The following NBEA variants were observed in gnomAD, a reference collection of about 807,000 sequenced individuals.
NBEA encodes the protein neurobeachin, also known as lysosomal-trafficking regulator 2.
NBEA carries 44 observed loss-of-function variants against 343.4 expected under a neutral mutation model. The observed-to-expected ratio is 0.13, with a 90% CI of 0.10 to 0.16. The LOEUF (loss-of-function observed/expected upper bound fraction) is 0.16, where lower values mean the gene tolerates loss of function less well. Ranked by LOEUF, NBEA falls within the 10% of genes least tolerant of loss-of-function variation. The pLI is 1.00. For synonymous variants in NBEA, 1,175 were observed against 1,238.7 expected, an observed-to-expected ratio of 0.95 and a Z score of 1.08; for missense variants, 2,555 against 3,631.3, an observed-to-expected ratio of 0.70 and a Z score of 7.62.
chr13:35,660,496 T>A (rs1365208339), intron 55 of NBEA, among the ~76,000 whole-genome samples: 1 of 152,212 alleles, frequency 6.6e-6, no homozygotes, highest in Non-Finnish European at 1.5e-5. Flanking sequence ...TTTTAGCTCG[T>A]GTACGGGCAT....
intron 41 of NBEA, among the ~76,000 whole-genome samples, chr13:35,544,241 A>G (rs555788016): frequency 3.3e-5 from 5 of 152,306 alleles, no homozygotes; most frequent in African/African-American, 9.6e-5. Context: ...ATTTTCAACA[A>G]TTCGTAACAG....
intron 34 of NBEA, among the ~76,000 whole-genome samples, chr13:35,248,204 T>A (rs983920930): frequency 6.6e-6 from 1 of 152,172 alleles, no homozygotes; most frequent in Non-Finnish European, 1.5e-5. Context: ...TGCAAAAATC[T>A]TCAACAAAAT....
intron 46 of NBEA, among the ~76,000 whole-genome samples, chr13:35,587,415 T>G (rs1011989947): frequency 6.6e-6 from 1 of 152,074 alleles, no homozygotes. Context: ...CTGGGAGGCC[T>G]TTTCATACCA....
At chr13:35,073,674 C>T (rs2063979656) in intron 10 of NBEA, among the ~76,000 whole-genome samples, 1 of 152,016 alleles carries the variant, frequency 6.6e-6, no homozygotes, top group African/African-American at 2.4e-5. Flanking sequence ...GGGGTGGTGG[C>T]TAACGTCTGT....
chr13:34,948,442 G>T (rs2059254033), intron 1 of NBEA, among the ~76,000 whole-genome samples: 1 of 152,170 alleles, frequency 6.6e-6, no homozygotes, highest in African/African-American at 2.4e-5. Flanking sequence ...CAGGTGTAAA[G>T]CAAACAACCT....
At position 35,159,264 on chromosome 13, in the gene NBEA, A is replaced by G. The variant is rs376327034; in HGVS notation, c.3093A>G (p.Thr1031=). 1 of 1,613,570 alleles carries G rather than the reference A, an allele frequency of 6.2e-7. No homozygotes were observed. Among genetic ancestry groups the G allele is most frequent in the African/African-American group, 1.3e-5 (1 of 75,030 alleles). The change falls in exon 22 of 59, where the codon ACA becomes ACG. Residue 1031 remains threonine, a synonymous_variant. Transcript: ENST00000379939. Reference sequence around the variant, plus strand: ...ATACTCGAGACTTACTCATGTCAACAAAAGTGTCAGATGATATTCTTGGAA... The same window carrying G: ...ATACTCGAGACTTACTCATGTCAACGAAAGTGTCAGATGATATTCTTGGAA... ...STDTRDLLMS[T]KVSDDILGNS...
At chr13:35,411,024 A>G (rs1268678472) in intron 38 of NBEA, among the ~76,000 whole-genome samples, 3 of 152,186 alleles carry the variant, frequency 2.0e-5, no homozygotes, top group Non-Finnish European at 4.4e-5. Context: ...AGCATCCCAC[A>G]AAACTGTTAC....
intron 38 of NBEA, among the ~76,000 whole-genome samples, chr13:35,353,469 G>C (rs995896719): frequency 1.3e-5 from 2 of 151,942 alleles, no homozygotes; most frequent in African/African-American, 4.8e-5. Context: ...AAAACACCTA[G>C]AATATGAGTA....
intron 34 of NBEA, among the ~76,000 whole-genome samples, chr13:35,243,886 A>G (rs905656975): frequency 6.6e-6 from 1 of 151,918 alleles, no homozygotes; most frequent in Non-Finnish European, 1.5e-5. Context: ...GAACAACACT[A>G]TAGATCAATT....
intron 28 of NBEA, 29 bp downstream of exon 28, chr13:35,177,132 A>T (rs1202159691): frequency 6.8e-7 from 1 of 1,480,288 alleles, no homozygotes; most frequent in South Asian, 1.2e-5. Context: ...GTTTCCCTGA[A>T]ATAAACCTTC....
chr13:35,634,869 G>A (rs942916592), intron 49 of NBEA, among the ~76,000 whole-genome samples: 1 of 151,772 alleles, frequency 6.6e-6, no homozygotes, highest in Non-Finnish European at 1.5e-5. Flanking sequence ...CCTTTGGATC[G>A]GCTATGGTGA....
At chr13:35,440,526 CT>C (rs1210220278) in intron 39 of NBEA, among the ~76,000 whole-genome samples, 1 of 152,112 alleles carries the variant, frequency 6.6e-6, no homozygotes, top group African/African-American at 2.4e-5. Context: ...GAATGGAAGT[CT>C]TCCCAAGCCA....
chr13:35,030,282 T>C (rs1338288694), intron 1 of NBEA, among the ~76,000 whole-genome samples: 9 of 151,602 alleles, frequency 5.9e-5, no homozygotes, highest in Non-Finnish European at 1.2e-4. Context: ...CAAATTCTTT[T>C]AAATTATGGT....
intron 41 of NBEA, chr13:35,475,481 C>G (rs368025803): frequency 1.2e-6 from 2 of 1,612,292 alleles, no homozygotes; most frequent in African/African-American, 1.3e-5. Context: ...CTCTGCTTGC[C>G]GGCCAAGGAG....
rs144537410 is a variant in NBEA, at chr13:35,130,707, C to T, written c.2336+7133C>T. 2.6e-4 allele frequency among the ~76,000 whole-genome samples: 40 copies of T among 151,326 alleles called. No homozygotes were observed. In the East Asian group the frequency reaches 6.8e-3, roughly 26 times the overall value. On this transcript the variant is annotated intron_variant, in intron 17 of 58. Coordinates refer to ENST00000379939, the MANE Select transcript of NBEA (RefSeq NM_001385012.1). ...AATCCATTGGCTTGAGTGTCATACA[C>T]GTTCTTTTCAAACACACAAAACTAT...
chr13:35,662,450 A>T (rs900579382), intron 55 of NBEA, among the ~76,000 whole-genome samples: 11 of 152,172 alleles, frequency 7.2e-5, no homozygotes, highest in Non-Finnish European at 1.5e-4. Context: ...AGGATTTTGA[A>T]TGATTGTTGG....
At chr13:35,602,090 AT>A (rs2082080706) in intron 47 of NBEA, among the ~76,000 whole-genome samples, 1 of 152,200 alleles carries the variant, frequency 6.6e-6, no homozygotes, top group African/African-American at 2.4e-5. Context: ...TTAAAACAGA[AT>A]GACCACAGGT....
chr13:35,171,273 C>T lies in NBEA; in HGVS notation c.4244C>T (p.Thr1415Met), dbSNP rs201205330. 891 of 1,604,378 alleles carry T rather than the reference C, an allele frequency of 5.6e-4. 1 individual carries two copies. The highest frequency in any genetic ancestry group is 1.6e-3 in the South Asian group (145 of 89,662). Residue 1415 changes from threonine to methionine, a missense_variant and splice_region_variant, in exon 26 of 59, where the codon ACG becomes ATG. This residue lies in a region of NBEA where 168 missense variants were observed against 193.0 expected (regional missense o/e 0.87). Coordinates refer to ENST00000379939, the MANE Select transcript of NBEA (RefSeq NM_001385012.1). ...SAATSPTGSK[T>M]ELENIEVTQG... ...CTTAAATCTTCTACTTTTTTAAAGACGGAATTGGAAAATATTGAAGTGACA... is the reference window on the plus strand; with the variant it reads ...CTTAAATCTTCTACTTTTTTAAAGATGGAATTGGAAAATATTGAAGTGACA...
At chr13:35,318,430 G>A (rs190196243) in intron 36 of NBEA, among the ~76,000 whole-genome samples, 30 of 152,142 alleles carry the variant, frequency 2.0e-4, no homozygotes, top group East Asian at 1.2e-3. Context: ...TTGAACCGGC[G>A]TTGCATCCCA....
Sources: gnomAD v4.1 joint callset for allele counts (sites outside exome capture counted in the v4.1 genomes callset) on GRCh38, gnomAD v4.1.1 for gene constraint, gnomAD v4.1.1 regional missense constraint, MANE v1.5 for transcripts, NCBI Gene and HGNC (gene_info 2026-07-23, HGNC 2026-07-21) for gene names.